SCN8A: variants seen among roughly 807,000 people sequenced by gnomAD.
SCN8A encodes the protein sodium channel protein type 8 subunit alpha.
Under a neutral mutation model 184.1 loss-of-function variants are expected in SCN8A, and 30 were observed. That is an observed-to-expected ratio of 0.16 (90% CI 0.12 to 0.22). The LOEUF (loss-of-function observed/expected upper bound fraction) is 0.22, where lower values mean the gene tolerates loss of function less well. Among genes scored for constraint, SCN8A ranks in the 10% least tolerant of loss-of-function variants. The pLI is 1.00. For synonymous variants in SCN8A, 852 were observed against 907.0 expected (o/e 0.94, Z 1.09); for missense variants, 1,057 against 2,498.9 (o/e 0.42, Z 12.30).
intron 21 of SCN8A, among the ~76,000 whole-genome samples, chr12:51,786,324 C>T (rs1331325015): frequency 1.3e-5 from 2 of 152,144 alleles, no homozygotes; most frequent in African/African-American, 2.4e-5. Context: ...TTGTGTTAGT[C>T]AAAATAAAGG....
rs1938709011 is a variant in SCN8A, at chr12:51,806,617, C to T, written c.5131C>T (p.Leu1711=). ...AACCTCAGCTGGTTGGGATGGCCTGCTGCTGCCCATCCTAAACCGCCCCCC... is the reference window on the plus strand; with the variant it reads ...AACCTCAGCTGGTTGGGATGGCCTGTTGCTGCCCATCCTAAACCGCCCCCC... The part of the protein sequence containing the change: ...ITTSAGWDGL[L]LPILNRPPDC... Residue 1711 remains leucine (L), a synonymous_variant, in exon 27 of 27, where the codon CTG becomes TTG. Transcript: ENST00000627620. This position sits in a 1 kb window ranked among gnomAD's most constrained non-coding sequence, Gnocchi z 8.7. 1 of 1,614,174 alleles carries T rather than the reference C, an allele frequency of 6.2e-7. No homozygotes were observed. Among genetic ancestry groups the T allele is most frequent in the Non-Finnish European group, 8.5e-7 (1 of 1,179,986 alleles).
intron 12 of SCN8A, among the ~76,000 whole-genome samples, chr12:51,727,931 C>CAGGA (rs1942180809): frequency 6.6e-6 from 1 of 151,976 alleles, no homozygotes; most frequent in Non-Finnish European, 1.5e-5. Context: ...GTGTGGGTGA[C>CAGGA]AGGGCGAGAC....
At chr12:51,622,091 A>C (rs1193457443) in intron 1 of SCN8A, among the ~76,000 whole-genome samples, 5 of 152,230 alleles carry the variant, frequency 3.3e-5, no homozygotes, top group Admixed American at 3.3e-4. Flanking sequence ...ATAAATTTTT[A>C]ATAAGTTAAA....
chr12:51,752,548 A>G (rs1942612236), intron 14 of SCN8A, among the ~76,000 whole-genome samples: 1 of 152,138 alleles, frequency 6.6e-6, no homozygotes, highest in Non-Finnish European at 1.5e-5. Flanking sequence ...TTTGTAGCCC[A>G]TTGTGTTCCC....
At chr12:51,731,820 G>A (rs576322325) in intron 12 of SCN8A, among the ~76,000 whole-genome samples, 8 of 152,220 alleles carry the variant, frequency 5.3e-5, no homozygotes, top group East Asian at 1.9e-4. Context: ...TCTGATGATC[G>A]TAATGTTAGG....
At chr12:51,756,343 A>C (rs1033869543) in intron 14 of SCN8A, among the ~76,000 whole-genome samples, 2 of 150,538 alleles carry the variant, frequency 1.3e-5, no homozygotes, top group African/African-American at 4.9e-5. Context: ...CACTTTCCTC[A>C]CCCCACTCGG....
chr12:51,682,689 A>G (rs1437728639), intron 2 of SCN8A, among the ~76,000 whole-genome samples: 1 of 152,234 alleles, frequency 6.6e-6, no homozygotes, highest in African/African-American at 2.4e-5. Flanking sequence ...ATAAAAAACT[A>G]CTTAAAATGA....
intron 15 of SCN8A, among the ~76,000 whole-genome samples, chr12:51,763,359 T>G (rs1942790860): frequency 6.6e-6 from 1 of 152,296 alleles, no homozygotes; most frequent in South Asian, 2.1e-4. Flanking sequence ...TGTTAGATGA[T>G]TTTGGCCAAC....
In SCN8A at chr12:51,721,852, G is replaced by C. The variant is rs1198938905; in HGVS notation, c.1942G>C (p.Val648Leu). ...CAACAGCACGGTGGACTGCAACGGCGTGGTGTCCCTCATCGGCGGCCCCGG... is the reference window on the plus strand; with the variant it reads ...CAACAGCACGGTGGACTGCAACGGCCTGGTGTCCCTCATCGGCGGCCCCGG... ...KRNSTVDCNG[V>L]VSLIGGPGSH... The change falls in exon 12 of 27, where the codon GTG (valine) becomes CTG (leucine). Residue 648 changes from valine to leucine, a missense_variant. Coordinates refer to ENST00000627620, the MANE Select transcript of SCN8A (RefSeq NM_001330260.2). 2 of 1,603,934 alleles carry C rather than the reference G, an allele frequency of 1.2e-6. No homozygotes were observed. The highest frequency in any genetic ancestry group is 2.2e-5 in the South Asian group (2 of 91,088).
At chr12:51,730,334 G>A (rs547350918) in intron 12 of SCN8A, among the ~76,000 whole-genome samples, 1 of 152,254 alleles carries the variant, frequency 6.6e-6, no homozygotes, top group South Asian at 2.1e-4. Flanking sequence ...AAAATCAATT[G>A]ATGTATATGT....
At chr12:51,721,081 T>TTATATATATATATATATATATATATATA (rs58356368) in intron 11 of SCN8A, among the ~76,000 whole-genome samples, 10 of 86,786 alleles carry the variant, frequency 1.2e-4, no homozygotes, top group African/African-American at 3.7e-4. Flanking sequence ...AAAAAAAAAA[T>TTATATATATATATATATATATATATATA]TATATATATA....
At chr12:51,785,664 G>C (rs1938064968) in intron 21 of SCN8A, among the ~76,000 whole-genome samples, 1 of 151,962 alleles carries the variant, frequency 6.6e-6, no homozygotes, top group Non-Finnish European at 1.5e-5. Context: ...TTTTTCTTTT[G>C]CTTTTTTTTT....
chr12:51,673,653 T>C (rs563243457), intron 2 of SCN8A, among the ~76,000 whole-genome samples: 71 of 152,338 alleles, frequency 4.7e-4, no homozygotes, highest in African/African-American at 1.7e-3. Flanking sequence ...TCAACAAACA[T>C]GTATGAACTG....
At chr12:51,750,544 T>G (rs1942580376) in intron 13 of SCN8A, among the ~76,000 whole-genome samples, 1 of 152,152 alleles carries the variant, frequency 6.6e-6, no homozygotes, top group Non-Finnish European at 1.5e-5. Flanking sequence ...AGCTGTAAAC[T>G]TGTTAAGGGT....
At chr12:51,787,621 T>C (rs1938121734) in intron 22 of SCN8A, among the ~76,000 whole-genome samples, 1 of 152,236 alleles carries the variant, frequency 6.6e-6, no homozygotes, top group Admixed American at 6.5e-5. Flanking sequence ...TTTTAAAAAT[T>C]TCTTAGCACA....
intron 20 of SCN8A, among the ~76,000 whole-genome samples, chr12:51,779,299 C>T (rs1391500849): frequency 6.6e-6 from 1 of 151,974 alleles, no homozygotes; most frequent in African/African-American, 2.4e-5. Context: ...TAGGTCTGCT[C>T]TCCCCTGAAA....
intron 12 of SCN8A, among the ~76,000 whole-genome samples, chr12:51,734,025 C>T (rs999953583): frequency 1.3e-5 from 2 of 152,064 alleles, no homozygotes; most frequent in East Asian, 3.8e-4. Context: ...GATAAACAAC[C>T]TCTTGTTTCA....
intron 26 of SCN8A, among the ~76,000 whole-genome samples, chr12:51,803,191 C>T (rs900873134): frequency 3.3e-5 from 5 of 152,052 alleles, no homozygotes. Context: ...CCCGAGAGCC[C>T]CTGTAAAACC....
chr12:51,679,721 C>CTT lies in SCN8A; in HGVS notation c.277-4432_277-4431dup, dbSNP rs34564079. On this transcript the variant is annotated intron_variant, in intron 2 of 26. Transcript: ENST00000627620. ...TGTGTTTGTCCAAAGACTATCTTGC[C>CTT]TTTTTTTTTTTTTTTTTTTTTTGAG... Among the ~76,000 whole-genome samples, 87 of 85,476 alleles carry CTT rather than the reference C, an allele frequency of 1.0e-3. 1 individual carries two copies. The highest frequency in any genetic ancestry group is 2.3e-3 in the South Asian group (6 of 2,580). 56.1% of individuals were successfully genotyped at this position (85,476 alleles called of 152,430 possible).
Sources: allele counts gnomAD v4.1 joint callset (sites outside exome capture counted in the v4.1 genomes callset), GRCh38; gene constraint gnomAD v4.1.1; non-coding constraint Gnocchi (gnomAD v3.1); transcripts MANE v1.5; gene names NCBI Gene and HGNC (gene_info 2026-07-23, HGNC 2026-07-21).